Variants in EVI5 observed in about 807,000 individuals in gnomAD.
The protein encoded by EVI5 is ecotropic viral integration site 5 protein homolog.
Under a neutral mutation model 112.0 loss-of-function variants are expected in EVI5, and 73 were observed. The ratio of observed to expected loss-of-function variants is 0.65; its 90% CI spans 0.54 to 0.79. The LOEUF is 0.79. Ranked by LOEUF, EVI5 falls within the 30% of genes least tolerant of loss-of-function variation. The pLI, the probability that EVI5 is intolerant of heterozygous loss-of-function variation, is 0.00. For synonymous variants in EVI5, 305 were observed against 319.9 expected, an observed-to-expected ratio of 0.95 and a Z score of 0.50; for missense variants, 900 against 968.8, an observed-to-expected ratio of 0.93 and a Z score of 0.94.
At chr1:92,639,069 G>A (rs541741418) in intron 13 of EVI5, among the ~76,000 whole-genome samples, 2 of 152,152 alleles carry the variant, frequency 1.3e-5, no homozygotes, top group Non-Finnish European at 2.9e-5. Context: ...AAGGGGAGCC[G>A]TTTATTTAAA....
chr1:92,756,252 A>G (rs1436088126), intron 1 of EVI5: 2 of 430,090 alleles, frequency 4.7e-6, no homozygotes, highest in Non-Finnish European at 9.4e-6. Context: ...ACAGCTGCCC[A>G]TTTCATTGAA....
intron 6 of EVI5, among the ~76,000 whole-genome samples, chr1:92,697,328 C>T (rs1294626936): frequency 6.6e-6 from 1 of 151,394 alleles, no homozygotes; most frequent in Non-Finnish European, 1.5e-5. Context: ...GGTATTTTTC[C>T]CTTGATTTTG....
chr1:92,674,700 T>G (rs1327111609), intron 10 of EVI5, among the ~76,000 whole-genome samples: 1 of 144,558 alleles, frequency 6.9e-6, no homozygotes, highest in Non-Finnish European at 1.6e-5. Context: ...AAAAAAAAAG[T>G]ATTCAGTTGA....
chr1:92,544,634 G>C (rs2100666537), intron 19 of EVI5, among the ~76,000 whole-genome samples: 1 of 152,192 alleles, frequency 6.6e-6, no homozygotes, highest in East Asian at 1.9e-4. Flanking sequence ...ATAAGTAGAA[G>C]GAGATGAATG....
intron 18 of EVI5, among the ~76,000 whole-genome samples, chr1:92,574,456 A>C (rs1385490859): frequency 6.6e-6 from 1 of 152,154 alleles, no homozygotes; most frequent in Non-Finnish European, 1.5e-5. Flanking sequence ...GAAAATGAGA[A>C]AGGTTTTCTC....
At chr1:92,639,063 G>A (rs778676112) in intron 13 of EVI5, among the ~76,000 whole-genome samples, 11 of 151,998 alleles carry the variant, frequency 7.2e-5, no homozygotes, top group Non-Finnish European at 1.5e-4. Context: ...CTCAGCAAGG[G>A]GAGCCGTTTA....
At chr1:92,778,675 A>G (rs1355818527) in intron 1 of EVI5, among the ~76,000 whole-genome samples, 1 of 152,154 alleles carries the variant, frequency 6.6e-6, no homozygotes, top group Non-Finnish European at 1.5e-5. Context: ...AATTATTTCA[A>G]TCTTGGCTAC....
intron 19 of EVI5, among the ~76,000 whole-genome samples, chr1:92,552,362 T>A (rs1365900945): frequency 1.3e-5 from 2 of 152,202 alleles, no homozygotes; most frequent in Admixed American, 6.5e-5. Context: ...TTAATTAGAA[T>A]AAATGAAATT....
At chr1:92,657,300 CA>C (rs1215772370) in intron 13 of EVI5, among the ~76,000 whole-genome samples, 13 of 151,614 alleles carry the variant, frequency 8.6e-5, no homozygotes, top group Non-Finnish European at 1.8e-4. Context: ...TCAACAGATG[CA>C]AAAAAAAGCA....
At chr1:92,695,270 C>T (rs1311850713) in intron 7 of EVI5, 40 bp downstream of exon 7, 1 of 1,566,496 alleles carries the variant, frequency 6.4e-7, no homozygotes, top group African/African-American at 1.4e-5. Context: ...TCAGTGACCC[C>T]TTTGCTCAGC....
chr1:92,620,843 A>C (rs1654396640), intron 16 of EVI5, among the ~76,000 whole-genome samples: 1 of 152,160 alleles, frequency 6.6e-6, no homozygotes, highest in African/African-American at 2.4e-5. Context: ...CATTTCATTA[A>C]AAGTTTTTCA....
rs766805787 is a variant in EVI5, at chr1:92,677,236, AAG to A, written c.1098-20_1098-19del. 3.0e-5 allele frequency: 42 copies of A among 1,406,126 alleles called. No individual in the cohort carries two copies. The Middle Eastern group carries it at 1.1e-3, about 35-fold the overall frequency. 87.1% of individuals were successfully genotyped at this position (1,406,126 alleles called of 1,614,324 possible). On this transcript the variant is annotated intron_variant, in intron 9 of 19. Transcript: ENST00000684568. ...TTTCAAGCCTAAGAAAGGAAAAAAA[AAG>A]AGTTAAAGGTAATGTTTTCATTCAA... is the stretch of plus-strand genomic sequence containing the variant.
intron 19 of EVI5, among the ~76,000 whole-genome samples, chr1:92,523,815 G>C (rs930164092): frequency 2.6e-5 from 4 of 152,120 alleles, no homozygotes; most frequent in African/African-American, 9.7e-5. Context: ...ACTGGACATG[G>C]TGACTTACGC....
intron 1 of EVI5, among the ~76,000 whole-genome samples, chr1:92,743,636 CTT>C (rs1196119418): frequency 1.3e-5 from 2 of 152,090 alleles, no homozygotes; most frequent in Non-Finnish European, 2.9e-5. Flanking sequence ...TAATTATAGA[CTT>C]AAAATGGTTA....
intron 2 of EVI5, among the ~76,000 whole-genome samples, chr1:92,715,075 G>A (rs1410659465): frequency 1.3e-5 from 2 of 151,298 alleles, no homozygotes; most frequent in African/African-American, 2.4e-5. Flanking sequence ...GCACGATCTC[G>A]GCTCACTGCA....
intron 9 of EVI5, among the ~76,000 whole-genome samples, chr1:92,679,702 T>C (rs1408355508): frequency 1.3e-5 from 2 of 152,180 alleles, no homozygotes; most frequent in Non-Finnish European, 2.9e-5. Flanking sequence ...CATGACAGTT[T>C]TGATGAGAAC....
At chr1:92,736,963 T>C (rs1287659548) in intron 1 of EVI5, among the ~76,000 whole-genome samples, 1 of 152,132 alleles carries the variant, frequency 6.6e-6, no homozygotes, top group Non-Finnish European at 1.5e-5. Flanking sequence ...TAAAAATACA[T>C]CCTACATGTA....
intron 1 of EVI5, among the ~76,000 whole-genome samples, chr1:92,748,180 T>C (rs1679601437): frequency 6.6e-6 from 1 of 152,122 alleles, no homozygotes; most frequent in Admixed American, 6.6e-5. Context: ...CGCTGACTGC[T>C]TCAACCAAAA....
intron 14 of EVI5, among the ~76,000 whole-genome samples, chr1:92,630,353 C>T (rs1656731722): frequency 6.6e-6 from 1 of 152,166 alleles, no homozygotes; most frequent in Non-Finnish European, 1.5e-5. Flanking sequence ...TTTTAATGAT[C>T]ACCATTCTAA....
Sources: gnomAD v4.1 joint callset for allele counts (sites outside exome capture counted in the v4.1 genomes callset) on GRCh38, gnomAD v4.1.1 for gene constraint, MANE v1.5 for transcripts, NCBI Gene and HGNC (gene_info 2026-07-23, HGNC 2026-07-21) for gene names.